C17orf58: variants seen among roughly 807,000 people sequenced by gnomAD.
C17orf58 encodes UPF0450 protein C17orf58.
C17orf58 carries 5 observed loss-of-function variants against 7.4 expected under a neutral mutation model. The ratio of observed to expected loss-of-function variants is 0.67; its 90% CI spans 0.35 to 1.42. C17orf58 has a LOEUF of 1.42. Ranked by LOEUF, C17orf58 falls within the 40% of genes most tolerant of loss-of-function variation. The probability of loss-of-function intolerance (pLI) is 0.04; values close to 1 mark genes in which losing one functional copy is unlikely to be tolerated. For missense variants in C17orf58, 162 were observed against 174.2 expected (o/e 0.93, Z 0.40); for synonymous variants, 60 against 70.6 (o/e 0.85, Z 0.75).
intron 1 of C17orf58, among the ~76,000 whole-genome samples, chr17:67,994,535 T>TATATATATATATATATAAAA (rs71142122): frequency 3.5e-4 from 35 of 100,232 alleles, no homozygotes; most frequent in African/African-American, 6.4e-4. Context: ...TATATATATA[T>TATATATATATATATATAAAA]AAAACATATA....
intron 1 of C17orf58, among the ~76,000 whole-genome samples, chr17:67,994,536 A>ATATATATATATATATATATAT (rs1555699626): frequency 1.3e-4 from 10 of 79,676 alleles, no homozygotes; most frequent in Non-Finnish European, 2.8e-4. Flanking sequence ...ATATATATAT[A>ATATATATATATATATATATAT]AAACATATAT....
chr17:67,993,033 A>C lies in C17orf58; in HGVS notation c.829+11T>G. On this transcript the variant is annotated intron_variant, in intron 3 of 3. Transcript: ENST00000580729. This position sits in a 1 kb window ranked among gnomAD's most constrained non-coding sequence, Gnocchi z 5.1. ...GTACATATGCAGCGTCATTCAGGTC[A>C]GTTTCAATACCAGGTTTAAACTCTG... The C allele has an allele frequency of 1.2e-6, 2 of 1,614,222 alleles. No individual in the cohort carries two copies. Among genetic ancestry groups the C allele is most frequent in the Non-Finnish European group, 1.7e-6 (2 of 1,180,038 alleles).
chr17:67,993,732 T>C lies in C17orf58; in HGVS notation c.329A>G (p.Asn110Ser), dbSNP rs1247426713. Residue 110 changes from asparagine (N) to serine (S), a missense_variant, in exon 2 of 4, where the codon AAC becomes AGC. Around this residue, in one of 3 missense-constraint regions of C17orf58, gnomAD observed 93 missense variants for 90.4 expected, o/e 1.03. Coordinates refer to ENST00000580729, the MANE Select transcript of C17orf58 (RefSeq NM_001382359.1). This position sits in a 1 kb window ranked among gnomAD's most constrained non-coding sequence, Gnocchi z 5.1. ...GGGCTCGCGGCGCGGCGACGCGCGG[T>C]TCTCGGCTTGCGCCAGGCGCGGGCC... ...PPGPRLAQAE[N>S]RASPRREPAS... 3.4e-5 allele frequency: 5 copies of C among 148,512 alleles called. No homozygotes were observed. The highest frequency in any genetic ancestry group is 4.1e-4 in the East Asian group (2 of 4,900). The allele number at this position is 148,512 out of a possible 1,614,324, so 9.2% of individuals were successfully genotyped here.
At position 67,991,981 on chromosome 17, in the gene C17orf58, AGCT is replaced by A. The variant is rs1555699294; in HGVS notation, c.949_951del (p.Ser317del). ...CTTTTTCGATTAAACCTTTTCACAT[AGCT>A]GCTGCTGCTCCTTAGCAGTCCATCC... On this transcript the variant is annotated inframe_deletion, in exon 4 of 4. Transcript: ENST00000580729. The A allele has an allele frequency of 6.2e-7, 1 of 1,613,152 alleles. No individual in the cohort carries two copies. The highest frequency in any genetic ancestry group is 8.5e-7 in the Non-Finnish European group (1 of 1,179,538).
intron 1 of C17orf58, 96 bp downstream of exon 1, chr17:67,996,027 C>G (rs1555699742): frequency 2.5e-6 from 1 of 398,278 alleles, no homozygotes; most frequent in African/African-American, 2.1e-5. Flanking sequence ...GAGCTCTGAC[C>G]CCCCTCCTCG....
intron 3 of C17orf58, 147 bp downstream of exon 3, chr17:67,992,897 A>AT: frequency 1.2e-6 from 2 of 1,613,608 alleles, no homozygotes; most frequent in Non-Finnish European, 1.7e-6. Context: ...GGCCGGAATA[A>AT]TACCTGTCGT....
Position 67,991,669 on chromosome 17 carries a change from TAA to T in C17orf58, c.*242_*243del, listed in dbSNP as rs1555699253. 2 of 328,728 alleles carry T rather than the reference TAA, an allele frequency of 6.1e-6. No individual in the cohort carries two copies. The highest frequency in any genetic ancestry group is 2.1e-5 in the African/African-American group (1 of 47,330). 20.4% of individuals were successfully genotyped at this position (328,728 alleles called of 1,614,324 possible). On this transcript the variant is annotated 3_prime_UTR_variant, in exon 4 of 4. Coordinates refer to ENST00000580729, the MANE Select transcript of C17orf58 (RefSeq NM_001382359.1). ...GGACAGGTCAATTATCTGAGCTGTG[TAA>T]ATCATTGTCTGGCACTACAGTTGAA...
Position 67,993,310 on chromosome 17 carries a change from G to T in C17orf58, c.638-75C>A. On this transcript the variant is annotated intron_variant, in intron 2 of 3. Transcript: ENST00000580729. This position sits in a 1 kb window ranked among gnomAD's most constrained non-coding sequence, Gnocchi z 5.1. ...CCAGTCCCCCAGGAGGTGGTTTTTA[G>T]CAACCGCGAAACGGCCCGCACGGGT... The T allele has an allele frequency of 1.0e-6, 1 of 961,422 alleles. No homozygotes were observed. The highest frequency in any genetic ancestry group is 1.5e-6 in the Non-Finnish European group (1 of 648,532). The allele number at this position is 961,422 out of a possible 1,614,324, so 59.6% of individuals were successfully genotyped here. A position where few individuals can be genotyped will look rare whatever the true frequency, so the allele number is the denominator to read the frequency against.
rs1349975087 is a variant in C17orf58, at chr17:67,993,696, T to A, written c.365A>T (p.Asp122Val). 15 of 144,106 alleles carry A rather than the reference T, an allele frequency of 1.0e-4. No individual in the cohort carries two copies. Among genetic ancestry groups the A allele is most frequent in the African/African-American group, 3.6e-4 (14 of 39,356 alleles). 8.9% of individuals were successfully genotyped at this position (144,106 alleles called of 1,614,324 possible). A position where few individuals can be genotyped will look rare whatever the true frequency, so the allele number is the denominator to read the frequency against. Residue 122 changes from aspartate to valine, a missense_variant, in exon 2 of 4, where the codon GAC (aspartate) becomes GTC (valine). Coordinates refer to ENST00000580729, the MANE Select transcript of C17orf58 (RefSeq NM_001382359.1). The surrounding 1 kb of genome is among the most constrained non-coding windows in gnomAD (Gnocchi z 5.1). Reference protein sequence around the residue: ...ASPRREPASEDAPRRARSRAL... With the variant: ...ASPRREPASEVAPRRARSRAL... ...CCGTGAGCGCGCGCGTCGCGGGGCG[T>A]CCTCCGACGCGGGCTCGCGGCGCGG...
At chr17:67,992,752 T>C in intron 3 of C17orf58, 1 of 1,082,804 alleles carries the variant, frequency 9.2e-7, no homozygotes, top group Non-Finnish European at 1.3e-6. Context: ...CTCGGTTCTG[T>C]ACAGTCCCTT....
chr17:67,995,723 C>G (rs1250715426), intron 1 of C17orf58, among the ~76,000 whole-genome samples: 1 of 152,208 alleles, frequency 6.6e-6, no homozygotes. Context: ...TCCACAGCGC[C>G]CCCCGCAGCC....
intron 3 of C17orf58, among the ~76,000 whole-genome samples, chr17:67,992,469 G>A (rs1226195074): frequency 2.0e-5 from 3 of 150,928 alleles, no homozygotes; most frequent in Non-Finnish European, 4.4e-5. Flanking sequence ...TTGGGAGGCT[G>A]AGGCAGGATA....
Position 67,993,935 on chromosome 17 carries a change from C to T in C17orf58, c.126G>A (p.Ala42=). The T allele has an allele frequency of 2.5e-6, 1 of 395,196 alleles. No homozygotes were observed. The highest frequency in any genetic ancestry group is 4.5e-6 in the Non-Finnish European group (1 of 224,226). 24.5% of individuals were successfully genotyped at this position (395,196 alleles called of 1,614,324 possible). A position where few individuals can be genotyped will look rare whatever the true frequency, so the allele number is the denominator to read the frequency against. Residue 42 remains alanine (A), a synonymous_variant, in exon 2 of 4, where the codon GCG becomes GCA. Coordinates refer to ENST00000580729, the MANE Select transcript of C17orf58 (RefSeq NM_001382359.1). The surrounding 1 kb of genome is among the most constrained non-coding windows in gnomAD (Gnocchi z 5.1). The part of the protein sequence containing the change: ...RKPDSRGCPS[A]EETPGPRAQP... ...GCGCGCGGGGCCCCGGTGTCTCCTC[C>T]GCGCTCGGGCAGCCGCGGGAGTCCG...
At chr17:67,995,964 A>G (rs2070888112) in intron 1 of C17orf58, among the ~76,000 whole-genome samples, 159 bp downstream of exon 1, 1 of 152,118 alleles carries the variant, frequency 6.6e-6, no homozygotes, top group Non-Finnish European at 1.5e-5. Context: ...AACCTTGGGG[A>G]CACACTTTGC....
chr17:67,996,369 G>T lies in C17orf58; in HGVS notation c.-171C>A, dbSNP rs2070891643. ...CCATTGGAACAAAACCGAGCCGCAG[G>T]GATTTCTCCCTCTTCCTTCCTAAGG... On this transcript the variant is annotated 5_prime_UTR_variant, in exon 1 of 4. Coordinates refer to ENST00000580729, the MANE Select transcript of C17orf58 (RefSeq NM_001382359.1). 2 of 389,028 alleles carry T rather than the reference G, an allele frequency of 5.1e-6. No individual in the cohort carries two copies. The highest frequency in any genetic ancestry group is 9.1e-6 in the Non-Finnish European group (2 of 220,734). 24.1% of individuals were successfully genotyped at this position (389,028 alleles called of 1,614,324 possible).
Position 67,991,484 on chromosome 17 carries a change from A to G in C17orf58, c.*429T>C, listed in dbSNP as rs77813975. ...TTGACTAGTGCGCTTACTGTTATGT[A>G]CAGAATTTAAAATGTGATCGTTTGA... On this transcript the variant is annotated 3_prime_UTR_variant, in exon 4 of 4. Coordinates refer to ENST00000580729, the MANE Select transcript of C17orf58 (RefSeq NM_001382359.1). 16,588 of 148,842 alleles carry G rather than the reference A, an allele frequency of 0.11. No homozygotes were observed. The highest frequency in any genetic ancestry group is 0.17 in the Non-Finnish European group (11,314 of 65,892). 9.2% of individuals were successfully genotyped at this position (148,842 alleles called of 1,614,324 possible).
intron 1 of C17orf58, among the ~76,000 whole-genome samples, chr17:67,995,098 A>T (rs2070881388): frequency 6.6e-6 from 1 of 152,150 alleles, no homozygotes; most frequent in Non-Finnish European, 1.5e-5. Context: ...CATTAAAGAG[A>T]TGGATCTGCC....
intron 1 of C17orf58, among the ~76,000 whole-genome samples, chr17:67,994,536 A>ATATATAT (rs1555699626): frequency 2.0e-3 from 157 of 79,576 alleles, no homozygotes; most frequent in Non-Finnish European, 3.6e-3. Flanking sequence ...ATATATATAT[A>ATATATAT]AAACATATAT....
intron 1 of C17orf58, 21 bp downstream of exon 1, chr17:67,996,102 C>G (rs373878918): frequency 5.0e-6 from 2 of 398,928 alleles, no homozygotes; most frequent in African/African-American, 2.1e-5. Context: ...CTCCCAGGGC[C>G]CCGCACTACA....
Sources: gnomAD v4.1 joint callset for allele counts (sites outside exome capture counted in the v4.1 genomes callset) on GRCh38, gnomAD v4.1.1 for gene constraint, gnomAD v4.1.1 regional missense constraint, Gnocchi (gnomAD v3.1) non-coding constraint, MANE v1.5 for transcripts, NCBI Gene and HGNC (gene_info 2026-07-23, HGNC 2026-07-21) for gene names.